The following WSCD2 variants were observed in gnomAD, a reference collection of about 807,000 sequenced individuals.
WSCD2 encodes the protein sialate:O-sulfotransferase 2.
Under a neutral mutation model 55.7 loss-of-function variants are expected in WSCD2, and 28 were observed. That is an observed-to-expected ratio of 0.50 (90% CI 0.37 to 0.69). The LOEUF (loss-of-function observed/expected upper bound fraction) is 0.69, where lower values mean the gene tolerates loss of function less well. WSCD2 is among the 30% of genes least tolerant of loss of function. WSCD2 has a pLI of 0.00. For synonymous variants in WSCD2, 301 were observed against 301.9 expected, an observed-to-expected ratio of 1.00 and a Z score of 0.03; for missense variants, 616 against 762.1, an observed-to-expected ratio of 0.81 and a Z score of 2.26.
Position 108,227,038 on chromosome 12 carries a change from C to T in WSCD2, c.853C>T (p.Pro285Ser), listed in dbSNP as rs1179655775. The T allele has an allele frequency of 6.2e-7, 1 of 1,614,072 alleles. No homozygotes were observed. The highest frequency in any genetic ancestry group is 8.5e-7 in the Non-Finnish European group (1 of 1,180,034). The change falls in exon 6 of 9, where the codon CCC (proline) becomes TCC (serine). Residue 285 changes from proline to serine, a missense_variant. By Grantham distance (74) the Pro-to-Ser change is moderately conservative. Transcript: ENST00000547525. ...AGGCACCGCCTGCCACTGTGGGTTT[C>T]CCACCACCCGATTCCCGCTCCATGA... is the stretch of plus-strand genomic sequence containing the variant. Reference protein sequence around the residue: ...LAGTACHCGFPTTRFPLHDRE... With the variant: ...LAGTACHCGFSTTRFPLHDRE...
intron 1 of WSCD2, among the ~76,000 whole-genome samples, chr12:108,141,709 C>G (rs935584855): frequency 5.9e-5 from 9 of 152,186 alleles, no homozygotes; most frequent in African/African-American, 2.2e-4. Flanking sequence ...TGCAAAGTTT[C>G]TTTTACTAGG....
At chr12:108,152,456 G>A (rs1192415658) in intron 1 of WSCD2, among the ~76,000 whole-genome samples, 2 of 152,154 alleles carry the variant, frequency 1.3e-5, no homozygotes, top group African/African-American at 2.4e-5. Context: ...CCACGATGTG[G>A]CCAGAGAAAT....
chr12:108,131,540 G>A (rs192908898), intron 1 of WSCD2, among the ~76,000 whole-genome samples: 1 of 152,320 alleles, frequency 6.6e-6, no homozygotes, highest in African/African-American at 2.4e-5. Flanking sequence ...GATGGTGCCT[G>A]GAGGGTGCTG....
chr12:108,185,429 C>A (rs1256060753), intron 1 of WSCD2, among the ~76,000 whole-genome samples: 2 of 152,162 alleles, frequency 1.3e-5, no homozygotes, highest in East Asian at 3.9e-4. Flanking sequence ...CAGATCCTCC[C>A]ATGACTGTCT....
intron 1 of WSCD2, among the ~76,000 whole-genome samples, chr12:108,145,950 C>A (rs142901192): frequency 6.6e-6 from 1 of 152,278 alleles, no homozygotes; most frequent in Non-Finnish European, 1.5e-5. Flanking sequence ...GGGATGCAGG[C>A]ATGCTTTGGT....
intron 7 of WSCD2, among the ~76,000 whole-genome samples, chr12:108,238,373 C>T (rs1889432507): frequency 6.6e-6 from 1 of 152,244 alleles, no homozygotes; most frequent in Non-Finnish European, 1.5e-5. Flanking sequence ...CTTGGCTCTT[C>T]TGCTCAGTGG....
In WSCD2 at chr12:108,134,809, A is replaced by T. The variant is rs145110945; in HGVS notation, c.-552+4883A>T. ...CATATACAAAGTGTTTACCAGGTGC[A>T]CACACTATGCCAGGAGCTTTGTATT... On this transcript the variant is annotated intron_variant, in intron 1 of 8. Coordinates refer to ENST00000547525, the MANE Select transcript of WSCD2 (RefSeq NM_014653.4). Among the ~76,000 whole-genome samples, 697 of 152,282 alleles carry T rather than the reference A, an allele frequency of 4.6e-3. 4 individuals are homozygous for T. The highest frequency in any genetic ancestry group is 0.016 in the African/African-American group (666 of 41,564).
At chr12:108,167,091 C>T (rs1879747500) in intron 1 of WSCD2, among the ~76,000 whole-genome samples, 1 of 152,050 alleles carries the variant, frequency 6.6e-6, no homozygotes, top group African/African-American at 2.4e-5. Context: ...GGATTATAGG[C>T]ATGAGCCACA....
chr12:108,193,562 A>G (rs1399979196), intron 1 of WSCD2, among the ~76,000 whole-genome samples: 10 of 152,078 alleles, frequency 6.6e-5, no homozygotes, highest in Admixed American at 5.9e-4. Flanking sequence ...GGATGGTTCA[A>G]TGAATAGATG....
chr12:108,236,393 G>A (rs1333755356), intron 7 of WSCD2, among the ~76,000 whole-genome samples: 2 of 152,204 alleles, frequency 1.3e-5, no homozygotes, highest in Non-Finnish European at 2.9e-5. Flanking sequence ...TGGTGAGGCA[G>A]GGAGGGAGGG....
chr12:108,187,602 G>A (rs1882666666), intron 1 of WSCD2, among the ~76,000 whole-genome samples: 1 of 152,144 alleles, frequency 6.6e-6, no homozygotes, highest in Admixed American at 6.5e-5. Context: ...TTTCTTATAG[G>A]GTTGTTGTAA....
intron 1 of WSCD2, among the ~76,000 whole-genome samples, chr12:108,130,261 G>A (rs11113750): frequency 8.5e-5 from 13 of 152,214 alleles, no homozygotes; most frequent in Admixed American, 3.3e-4. Context: ...AGTGGGCCCC[G>A]TAAATTTGAT....
At position 108,211,097 on chromosome 12, in the gene WSCD2, C is replaced by A. The variant is rs181839000; in HGVS notation, c.682+792C>A. Among the ~76,000 whole-genome samples the A allele has an allele frequency of 3.1e-3, 475 of 152,356 alleles. 3 individuals carry two copies. Among genetic ancestry groups the A allele is most frequent in the Non-Finnish European group, 5.1e-3 (348 of 68,030 alleles). On this transcript the variant is annotated intron_variant, in intron 4 of 8. Transcript: ENST00000547525. ...CCTAAGCCAATTACAGACCTGATTT[C>A]ATTTACCTTCCCTACAGCCTTTTCA...
At chr12:108,234,012 G>A (rs377117015) in intron 7 of WSCD2, among the ~76,000 whole-genome samples, 6 of 152,178 alleles carry the variant, frequency 3.9e-5, no homozygotes, top group Admixed American at 1.3e-4. Context: ...ATAAGAGTAC[G>A]TACCTCATGA....
At position 108,227,820 on chromosome 12, in the gene WSCD2, A is replaced by T. The variant is rs537974306; in HGVS notation, c.979+656A>T. Among the ~76,000 whole-genome samples the T allele has an allele frequency of 5.3e-5, 8 of 152,164 alleles. No homozygotes were observed. The South Asian group carries it at 1.7e-3, about 32-fold the overall frequency. ...GATTATGACGATGGTGATGATGATA[A>T]TGGTGATGATAGTGATAAGAGTGAC... On this transcript the variant is annotated intron_variant, in intron 6 of 8. Coordinates refer to ENST00000547525, the MANE Select transcript of WSCD2 (RefSeq NM_014653.4).
Position 108,198,205 on chromosome 12 carries a change from TCCTG to T in WSCD2, c.382+1996_382+1999del, listed in dbSNP as rs1224655714. On this transcript the variant is annotated intron_variant, in intron 2 of 8. Transcript: ENST00000547525. Reference sequence around the variant, plus strand: ...TCCAGGAGGGCAGGGCTATTACCTGTCCTGCCTGTCTGTGTTCTATCAGCACCCG... The same window carrying T: ...TCCAGGAGGGCAGGGCTATTACCTGTCCTGTCTGTGTTCTATCAGCACCCG... 3.3e-5 allele frequency among the ~76,000 whole-genome samples: 5 copies of T among 152,186 alleles called. No individual in the cohort carries two copies. In the East Asian group the frequency reaches 9.7e-4, roughly 29 times the overall value.
intron 5 of WSCD2, 34 bp downstream of exon 5, chr12:108,224,894 GGAGGGAA>G: frequency 6.2e-7 from 1 of 1,606,152 alleles, no homozygotes; most frequent in South Asian, 1.1e-5. Context: ...GAACTCAGGG[GGAGGGAA>G]CCATGCAGCA....
At chr12:108,153,106 C>CAAAA (rs1356932455) in intron 1 of WSCD2, among the ~76,000 whole-genome samples, 2 of 132,320 alleles carry the variant, frequency 1.5e-5, no homozygotes, top group African/African-American at 5.7e-5. Context: ...CTGTCTCAAA[C>CAAAA]AAACAAACAA....
intron 1 of WSCD2, among the ~76,000 whole-genome samples, chr12:108,169,806 C>T (rs1880040862): frequency 6.6e-6 from 1 of 152,090 alleles, no homozygotes; most frequent in Non-Finnish European, 1.5e-5. Flanking sequence ...GAAAGGTAGC[C>T]AAAGAGCACA....
Sources: allele counts gnomAD v4.1 joint callset (sites outside exome capture counted in the v4.1 genomes callset), GRCh38; gene constraint gnomAD v4.1.1; transcripts MANE v1.5; gene names NCBI Gene and HGNC (gene_info 2026-07-23, HGNC 2026-07-21).